The following HERC2 variants were observed in gnomAD, a reference collection of about 807,000 sequenced individuals.
HERC2 encodes HECT and RLD domain containing E3 ubiquitin protein ligase 2.
Under a neutral mutation model 537.7 loss-of-function variants are expected in HERC2, and 102 were observed. That is an observed-to-expected ratio of 0.19 (90% CI 0.16 to 0.22). The LOEUF (loss-of-function observed/expected upper bound fraction) is 0.22, where lower values mean the gene tolerates loss of function less well. HERC2 is among the 10% of genes least tolerant of loss of function. HERC2 has a pLI of 1.00. For missense variants in HERC2, 4,236 were observed against 6,198.2 expected (o/e 0.68, Z 10.63); for synonymous variants, 2,224 against 2,466.2 (o/e 0.90, Z 2.91).
At chr15:28,226,684 G>A (rs754768036) in intron 35 of HERC2, among the ~76,000 whole-genome samples, 2 of 151,150 alleles carry the variant, frequency 1.3e-5, no homozygotes, top group Non-Finnish European at 2.9e-5. Flanking sequence ...CATCAACCTT[G>A]TATTTGGAAA....
chr15:28,246,025 G>A lies in HERC2; in HGVS notation c.3433C>T (p.Leu1145Phe), dbSNP rs374187501. The A allele has an allele frequency of 2.5e-6, 4 of 1,613,254 alleles. No homozygotes were observed. In the African/African-American group the frequency reaches 4.0e-5, roughly 16 times the overall value. Residue 1145 changes from leucine (L) to phenylalanine (F), a missense_variant, in exon 23 of 93, where the codon CTC becomes TTC. By Grantham distance (22) the Leu-to-Phe change is conservative. This residue lies in a region of HERC2 where 754 missense variants were observed against 1,085.0 expected (regional missense o/e 0.69). Transcript: ENST00000261609. ...TGCATGAGACCAGCATTTTTACTGA[G>A]CAGAAGCACTATAGAAACTACTAGT... ...PELVVSIVLLLSKNAGLMQEA... is the reference protein window; with the variant it reads ...PELVVSIVLLFSKNAGLMQEA...
At chr15:28,270,589 C>A (rs866078459) in intron 10 of HERC2, 106 bp downstream of exon 10, 1 of 1,092,932 alleles carries the variant, frequency 9.1e-7, no homozygotes, top group Admixed American at 2.3e-5. Flanking sequence ...GGCCAGCTCC[C>A]CCTACCAATA....
chr15:28,235,410 A>G (rs140887093), intron 26 of HERC2, among the ~76,000 whole-genome samples: 9 of 152,132 alleles, frequency 5.9e-5, no homozygotes, highest in African/African-American at 2.2e-4. Flanking sequence ...CTGGCAAGCA[A>G]TGAGCCTTGA....
intron 6 of HERC2, 67 bp from the exon 7 acceptor site, chr15:28,274,514 C>T (rs1265263744): frequency 3.0e-5 from 45 of 1,497,184 alleles, no homozygotes; most frequent in Non-Finnish European, 4.0e-5. Flanking sequence ...CTTCCCACCC[C>T]TCAGCGAGAG....
At chr15:28,172,126 A>G (rs1393589625) in intron 65 of HERC2, among the ~76,000 whole-genome samples, 1 of 152,042 alleles carries the variant, frequency 6.6e-6, no homozygotes, top group African/African-American at 2.4e-5. Flanking sequence ...CATTGCTGAG[A>G]GAAACTAAAC....
At chr15:28,274,557 T>A in intron 6 of HERC2, 110 bp from the exon 7 acceptor site, 1 of 1,203,526 alleles carries the variant, frequency 8.3e-7, no homozygotes, top group Non-Finnish European at 1.1e-6. Flanking sequence ...AATCCCTCAC[T>A]CAACAGGCCA....
chr15:28,172,015 C>T (rs1468859472), intron 65 of HERC2, among the ~76,000 whole-genome samples: 1 of 148,924 alleles, frequency 6.7e-6, no homozygotes, highest in Non-Finnish European at 1.5e-5. Context: ...GCAGAGCTTG[C>T]AGTGAGCCGA....
chr15:28,310,755 A>C (rs2076919107), intron 2 of HERC2, among the ~76,000 whole-genome samples: 1 of 152,164 alleles, frequency 6.6e-6, no homozygotes, highest in African/African-American at 2.4e-5. Flanking sequence ...AAAGTGTTTC[A>C]GAAAACAGAA....
At position 28,177,137 on chromosome 15, in the gene HERC2, G is replaced by A. The variant is rs757174088; in HGVS notation, c.9255-10C>T. The A allele has an allele frequency of 5.0e-6, 8 of 1,606,158 alleles. No homozygotes were observed. In the South Asian group the frequency reaches 7.7e-5, roughly 16 times the overall value. The stretch of plus-strand genomic sequence containing the variant: ...TGGTTTGTCACAGTTCCTACAACAA[G>A]ATGAAATCAGCTCTCTACAGTCAAT... On this transcript the variant is annotated splice_polypyrimidine_tract_variant and intron_variant, in intron 60 of 92. Coordinates refer to ENST00000261609, the MANE Select transcript of HERC2 (RefSeq NM_004667.6). This position sits in a 1 kb window ranked among gnomAD's most constrained non-coding sequence, Gnocchi z 5.0.
intron 23 of HERC2, among the ~76,000 whole-genome samples, chr15:28,245,560 AAT>A (rs1202469399): frequency 0.083 from 8,211 of 98,668 alleles, 392 homozygotes; most frequent in Non-Finnish European, 0.1. Context: ...AAAAAAAAAA[AAT>A]ATATACACAC....
At chr15:28,294,782 C>T (rs959750730) in intron 3 of HERC2, among the ~76,000 whole-genome samples, 2 of 152,008 alleles carry the variant, frequency 1.3e-5, no homozygotes, top group South Asian at 2.1e-4. Flanking sequence ...CGGTGTCCCC[C>T]ACCCCCAGGG....
chr15:28,255,593 C>T (rs778681342), intron 19 of HERC2, among the ~76,000 whole-genome samples: 21 of 152,144 alleles, frequency 1.4e-4, no homozygotes, highest in Admixed American at 2.6e-4. Flanking sequence ...GCTGCAAGTG[C>T]CAAGGGCACA....
At chr15:28,286,919 T>C (rs1231653333) in intron 4 of HERC2, among the ~76,000 whole-genome samples, 1 of 152,062 alleles carries the variant, frequency 6.6e-6, no homozygotes. Context: ...GAGGTCTCCT[T>C]GGAAACATTG....
chr15:28,116,924 C>A, intron 87 of HERC2, 65 bp from the exon 88 acceptor site: 1 of 1,609,696 alleles, frequency 6.2e-7, no homozygotes, highest in African/African-American at 1.3e-5. Context: ...AGCCCCAACG[C>A]TCCCACACCA....
intron 38 of HERC2, among the ~76,000 whole-genome samples, chr15:28,216,900 G>A (rs540151283): frequency 2.0e-5 from 3 of 151,428 alleles, no homozygotes; most frequent in East Asian, 3.9e-4. Flanking sequence ...CACTAGTAAC[G>A]ACCGATTACT....
chr15:28,155,215 A>G (rs10163184), intron 69 of HERC2, among the ~76,000 whole-genome samples: 19,040 of 151,820 alleles, frequency 0.13, 4,039 homozygotes, highest in African/African-American at 0.44. Flanking sequence ...GAATAGTGCC[A>G]CAATAAACAT....
chr15:28,154,794 C>A (rs1194737726), intron 69 of HERC2, among the ~76,000 whole-genome samples: 2 of 152,060 alleles, frequency 1.3e-5, no homozygotes, highest in Non-Finnish European at 2.9e-5. Flanking sequence ...ACTTTAAGTT[C>A]TAGGGTACAT....
chr15:28,130,100 CCTT>C, intron 83 of HERC2, 60 bp downstream of exon 83: 1 of 1,592,026 alleles, frequency 6.3e-7, no homozygotes, highest in Non-Finnish European at 8.6e-7. Flanking sequence ...CTGCGCATGT[CCTT>C]CATGCTCAAC....
intron 69 of HERC2, among the ~76,000 whole-genome samples, chr15:28,162,144 A>C (rs962349566): frequency 6.6e-6 from 1 of 152,186 alleles, no homozygotes; most frequent in African/African-American, 2.4e-5. Flanking sequence ...AGCCGGGCCA[A>C]CATGGTGAAA....
Sources: gnomAD v4.1 joint callset for allele counts (sites outside exome capture counted in the v4.1 genomes callset) on GRCh38, gnomAD v4.1.1 for gene constraint, gnomAD v4.1.1 regional missense constraint, Gnocchi (gnomAD v3.1) non-coding constraint, MANE v1.5 for transcripts, NCBI Gene and HGNC (gene_info 2026-07-23, HGNC 2026-07-21) for gene names.